NUAK1: variants seen among roughly 807,000 people sequenced by gnomAD.
NUAK1 encodes the protein NUAK family SNF1-like kinase 1.
In NUAK1, 26 loss-of-function variants were observed where a neutral mutation model predicts 56.9. The observed-to-expected ratio is 0.46, with a 90% CI of 0.33 to 0.63. NUAK1 has a LOEUF of 0.63. Ranked by LOEUF, NUAK1 falls within the 30% of genes least tolerant of loss-of-function variation. The probability of loss-of-function intolerance (pLI) is 0.02; values close to 1 mark genes in which losing one functional copy is unlikely to be tolerated. For missense variants in NUAK1, 727 were observed against 876.1 expected (o/e 0.83, Z 2.15); for synonymous variants, 337 against 336.0 (o/e 1.00, Z -0.03).
intron 5 of NUAK1, among the ~76,000 whole-genome samples, chr12:106,071,251 A>G (rs2032404254): frequency 2.0e-5 from 3 of 152,248 alleles, no homozygotes; most frequent in Admixed American, 2.0e-4. Context: ...CTGAGGCACG[A>G]AGAACCTAAA....
At position 106,121,328 on chromosome 12, in the gene NUAK1, C is replaced by G. The variant is rs374730821; in HGVS notation, c.241-14803G>C. Among the ~76,000 whole-genome samples the G allele has an allele frequency of 3.6e-4, 55 of 152,322 alleles. 1 individual carries two copies. Among genetic ancestry groups the G allele is most frequent in the African/African-American group, 1.3e-3 (54 of 41,574 alleles). On this transcript the variant is annotated intron_variant, in intron 1 of 6. Transcript: ENST00000261402. ...CTTAGTGTATCTTGCAGAAGGCACA[C>G]ACAAGGTGGTTTCTAAATGTTAACC...
chr12:106,116,181 G>C (rs2032914996), intron 1 of NUAK1, among the ~76,000 whole-genome samples: 1 of 152,178 alleles, frequency 6.6e-6, no homozygotes, highest in Non-Finnish European at 1.5e-5. Flanking sequence ...TGCTAAAATG[G>C]AGCCCAAGTA....
chr12:106,092,560 A>C (rs1296910460), intron 2 of NUAK1, among the ~76,000 whole-genome samples: 1 of 152,202 alleles, frequency 6.6e-6, no homozygotes, highest in African/African-American at 2.4e-5. Flanking sequence ...GTTTGTGAGA[A>C]TAATCTACGT....
intron 1 of NUAK1, among the ~76,000 whole-genome samples, chr12:106,124,163 A>C (rs752611998): frequency 2.0e-5 from 3 of 152,330 alleles, no homozygotes; most frequent in Non-Finnish European, 2.9e-5. Flanking sequence ...GTTTGCAAAA[A>C]GCATCACCAG....
chr12:106,113,072 G>C (rs970998323), intron 1 of NUAK1, among the ~76,000 whole-genome samples: 2 of 152,182 alleles, frequency 1.3e-5, no homozygotes, highest in Admixed American at 6.5e-5. Flanking sequence ...GAGGACCTCA[G>C]GGCTGGGACA....
intron 1 of NUAK1, among the ~76,000 whole-genome samples, chr12:106,121,595 C>G (rs147952020): frequency 0.041 from 6,196 of 152,244 alleles, 179 homozygotes; most frequent in African/African-American, 0.086. Context: ...ACTAAAAATA[C>G]AAAAATTAGC....
chr12:106,084,783 A>G (rs1349567537), intron 3 of NUAK1, among the ~76,000 whole-genome samples: 3 of 152,188 alleles, frequency 2.0e-5, no homozygotes, highest in Non-Finnish European at 4.4e-5. Context: ...GCATGGGAAG[A>G]GCAGTGGGCC....
At chr12:106,083,380 A>G (rs977452370) in intron 4 of NUAK1, among the ~76,000 whole-genome samples, 10 of 151,984 alleles carry the variant, frequency 6.6e-5, no homozygotes, top group African/African-American at 2.2e-4. Context: ...TCAAATCCCA[A>G]CTCTACTCTT....
intron 4 of NUAK1, among the ~76,000 whole-genome samples, chr12:106,073,931 T>C (rs1263269901): frequency 6.6e-6 from 1 of 152,228 alleles, no homozygotes; most frequent in Non-Finnish European, 1.5e-5. Flanking sequence ...CTTGGAGTCA[T>C]TCTCTTCTCC....
At chr12:106,108,239 T>C (rs187562415) in intron 1 of NUAK1, among the ~76,000 whole-genome samples, 3 of 151,450 alleles carry the variant, frequency 2.0e-5, no homozygotes, top group Admixed American at 1.3e-4. Flanking sequence ...AGTAAGAAGA[T>C]TAAGAATTCC....
At chr12:106,092,345 C>T (rs745706242) in intron 2 of NUAK1, among the ~76,000 whole-genome samples, 2 of 151,956 alleles carry the variant, frequency 1.3e-5, no homozygotes, top group Admixed American at 6.6e-5. Flanking sequence ...GGTGAAACCC[C>T]GTCTCTACTA....
chr12:106,108,786 G>C (rs2032830316), intron 1 of NUAK1, among the ~76,000 whole-genome samples: 2 of 152,154 alleles, frequency 1.3e-5, no homozygotes, highest in Non-Finnish European at 2.9e-5. Flanking sequence ...GGTCAGAGGA[G>C]GGTAGCAACA....
In NUAK1 at chr12:106,096,543, G is replaced by A. The variant is rs541174436; in HGVS notation, c.362-9658C>T. 1.6e-4 allele frequency among the ~76,000 whole-genome samples: 25 copies of A among 152,260 alleles called. No individual in the cohort carries two copies. In the South Asian group the frequency reaches 4.6e-3, roughly 28 times the overall value. ...TTCATGTGGAACGTGTGAATCTGGC[G>A]GCAGAGGGAGTGTGTTAAAATGCTC... is the stretch of plus-strand genomic sequence containing the variant. On this transcript the variant is annotated intron_variant, in intron 2 of 6. Coordinates refer to ENST00000261402, the MANE Select transcript of NUAK1 (RefSeq NM_014840.3).
intron 1 of NUAK1, among the ~76,000 whole-genome samples, chr12:106,109,282 G>T (rs1281516160): frequency 6.6e-6 from 1 of 152,198 alleles, no homozygotes; most frequent in African/African-American, 2.4e-5. Context: ...TTAATATATG[G>T]AGCAGACACC....
intron 1 of NUAK1, among the ~76,000 whole-genome samples, chr12:106,121,309 G>C (rs1057055478): frequency 1.3e-5 from 2 of 152,192 alleles, no homozygotes; most frequent in Non-Finnish European, 2.9e-5. Flanking sequence ...ATCACTTAGT[G>C]TATCTTGCAG....
intron 1 of NUAK1, among the ~76,000 whole-genome samples, chr12:106,137,822 G>A (rs2033143896): frequency 6.6e-6 from 1 of 152,256 alleles, no homozygotes; most frequent in Non-Finnish European, 1.5e-5. Flanking sequence ...AGAATCCTCA[G>A]GCTTGCAGTA....
chr12:106,111,380 G>A (rs973851019), intron 1 of NUAK1, among the ~76,000 whole-genome samples: 4 of 152,134 alleles, frequency 2.6e-5, no homozygotes, highest in Non-Finnish European at 5.9e-5. Context: ...GTGTCCTGGT[G>A]TCTTATGGAG....
intron 3 of NUAK1, among the ~76,000 whole-genome samples, chr12:106,085,977 G>A (rs902447106): frequency 2.0e-5 from 3 of 152,160 alleles, no homozygotes; most frequent in African/African-American, 7.2e-5. Flanking sequence ...AACTAGCTTG[G>A]ATTATAGGCA....
chr12:106,072,630 T>C, intron 5 of NUAK1, 94 bp downstream of exon 5: 1 of 1,393,260 alleles, frequency 7.2e-7, no homozygotes, highest in South Asian at 1.4e-5. Flanking sequence ...TTTTAGGCTC[T>C]GTTTTTTTAA....
Sources: gnomAD v4.1 joint callset for allele counts (sites outside exome capture counted in the v4.1 genomes callset) on GRCh38, gnomAD v4.1.1 for gene constraint, MANE v1.5 for transcripts, NCBI Gene and HGNC (gene_info 2026-07-23, HGNC 2026-07-21) for gene names.